FREM3: variants seen among roughly 807,000 people sequenced by gnomAD.
The protein encoded by FREM3 is FRAS1 related extracellular matrix 3.
A neutral mutation model predicts 129.1 loss-of-function variants in FREM3; 105 were observed. That is an observed-to-expected ratio of 0.81 (90% confidence interval 0.69 to 0.96). The LOEUF is 0.96. Among genes scored for constraint, FREM3 ranks in the 40% least tolerant of loss-of-function variants. The probability of loss-of-function intolerance (pLI) is 0.00; values close to 1 mark genes in which losing one functional copy is unlikely to be tolerated. For synonymous variants in FREM3, 1,014 were observed against 1,044.9 expected, an observed-to-expected ratio of 0.97 and a Z score of 0.57; for missense variants, 2,593 against 2,666.3, an observed-to-expected ratio of 0.97 and a Z score of 0.61.
chr4:143,630,475 T>G (rs1739116851), intron 2 of FREM3, among the ~76,000 whole-genome samples: 1 of 152,188 alleles, frequency 6.6e-6, no homozygotes, highest in South Asian at 2.1e-4. Context: ...TCTGCCTATA[T>G]TTTGCCTGCC....
At chr4:143,673,550 TGAG>T (rs1740044568) in intron 2 of FREM3, among the ~76,000 whole-genome samples, 1 of 152,230 alleles carries the variant, frequency 6.6e-6, no homozygotes, top group Non-Finnish European at 1.5e-5. Flanking sequence ...GGGACCCACT[TGAG>T]GAGGCAGTCT....
At position 143,696,876 on chromosome 4, in the gene FREM3, A is replaced by G; in HGVS notation, c.3800T>C (p.Val1267Ala). 2 of 1,537,620 alleles carry G rather than the reference A, an allele frequency of 1.3e-6. No homozygotes were observed. Among genetic ancestry groups the G allele is most frequent in the Non-Finnish European group, 8.7e-7 (1 of 1,147,016 alleles). ...TGTCTCTGAGTCATCATGCTCATAC[A>G]CAATGGTGGAGGCCTCCTGGATCTC... ...LKEIQEASTI[V>A]YEHDDSETKE... The change falls in exon 1 of 8, where the codon GTG (valine) becomes GCG (alanine). Residue 1267 changes from valine to alanine, a missense_variant. Coordinates refer to ENST00000329798, the MANE Select transcript of FREM3 (RefSeq NM_001168235.2).
chr4:143,640,850 A>T (rs1032573841), intron 2 of FREM3, among the ~76,000 whole-genome samples: 1 of 152,134 alleles, frequency 6.6e-6, no homozygotes. Context: ...AGCAATCTTT[A>T]AAAAAATGAT....
intron 2 of FREM3, among the ~76,000 whole-genome samples, chr4:143,650,576 G>C (rs781337961): frequency 5.9e-5 from 9 of 152,186 alleles, no homozygotes; most frequent in South Asian, 2.1e-4. Flanking sequence ...CTGCAGCCTT[G>C]AACTCCTGGG....
Position 143,696,025 on chromosome 4 carries a change from C to T in FREM3, c.4651G>A (p.Asp1551Asn). The change falls in exon 1 of 8, where the codon GAT (aspartate) becomes AAT (asparagine). Residue 1551 changes from aspartate (D) to asparagine (N), a missense_variant. Asp to Asn is a conservative substitution (Grantham distance 23, BLOSUM62 1). This residue lies in a region of FREM3 where 2,276 missense variants were observed against 2,267.2 expected (regional missense o/e 1.00). Transcript: ENST00000329798. ...TCAAGGAGAGTGATCAGTTGGCTAT[C>T]CTCTTTCTGTAGTGTTAGTCTATGG... ...TIHRLTLQKEDSQLITLLELT... is the reference protein window; with the variant it reads ...TIHRLTLQKENSQLITLLELT... 1 of 1,537,808 alleles carries T rather than the reference C, an allele frequency of 6.5e-7. No homozygotes were observed. Among genetic ancestry groups the T allele is most frequent in the Non-Finnish European group, 8.7e-7 (1 of 1,147,034 alleles).
At chr4:143,693,598 G>A (rs1740511512) in intron 1 of FREM3, among the ~76,000 whole-genome samples, 1 of 152,160 alleles carries the variant, frequency 6.6e-6, no homozygotes, top group Admixed American at 6.5e-5. Flanking sequence ...CCATTACTGG[G>A]TATACACCCT....
chr4:143,590,846 C>A (rs930492753), intron 6 of FREM3, among the ~76,000 whole-genome samples: 2 of 152,054 alleles, frequency 1.3e-5, no homozygotes, highest in African/African-American at 4.8e-5. Flanking sequence ...TGGTAGAATT[C>A]GGCTGTGAAT....
chr4:143,616,535 C>G (rs2149840256), intron 5 of FREM3, among the ~76,000 whole-genome samples: 1 of 152,192 alleles, frequency 6.6e-6, no homozygotes, highest in Admixed American at 6.5e-5. Context: ...ACCTGTAATC[C>G]CAGCACTTTG....
At position 143,621,137 on chromosome 4, in the gene FREM3, C is replaced by T. The variant is rs569952098; in HGVS notation, c.5679G>A (p.Ala1893=). Residue 1893 remains alanine (A), a synonymous_variant, in exon 5 of 8, where the codon GCG becomes GCA. Transcript: ENST00000329798. ...GDESTVYIPE[A]EYKIEEDIGE... ...CAATGTCCTCTTCTATTTTGTATTC[C>T]GCCTCTGGAATATAAACTGTTGATT... 244 of 1,536,966 alleles carry T rather than the reference C, an allele frequency of 1.6e-4. 2 individuals are homozygous for T. The highest frequency in any genetic ancestry group is 2.6e-4 in the South Asian group (22 of 84,038).
At chr4:143,603,256 G>T (rs1311204564) in intron 6 of FREM3, among the ~76,000 whole-genome samples, 1 of 152,124 alleles carries the variant, frequency 6.6e-6, no homozygotes, top group African/African-American at 2.4e-5. Context: ...CTTCTACATG[G>T]CTGGAAGACA....
At chr4:143,639,301 A>G (rs1378367958) in intron 2 of FREM3, among the ~76,000 whole-genome samples, 1 of 152,122 alleles carries the variant, frequency 6.6e-6, no homozygotes, top group African/African-American at 2.4e-5. Flanking sequence ...AAATAGTTCA[A>G]CTTGACATAC....
intron 2 of FREM3, among the ~76,000 whole-genome samples, chr4:143,681,434 G>A (rs563993879): frequency 8.5e-4 from 129 of 152,212 alleles, no homozygotes; most frequent in African/African-American, 3.0e-3. Flanking sequence ...AGGGAAGGAA[G>A]ATTAATAAAC....
In FREM3 at chr4:143,625,937, T is replaced by A. The variant is rs577890678; in HGVS notation, c.5423-1599A>T. 8.5e-5 allele frequency among the ~76,000 whole-genome samples: 13 copies of A among 152,334 alleles called. No homozygotes were observed. In the East Asian group the frequency reaches 2.5e-3, roughly 29 times the overall value. On this transcript the variant is annotated intron_variant, in intron 3 of 7. Coordinates refer to ENST00000329798, the MANE Select transcript of FREM3 (RefSeq NM_001168235.2). ...AATTCCCCTCAAACACATCGTGAGA[T>A]GGATAATTTACTTACACATAAGGAA...
At chr4:143,693,518 A>G (rs35162238) in intron 1 of FREM3, among the ~76,000 whole-genome samples, 47,023 of 152,056 alleles carry the variant, frequency 0.31, 7,536 homozygotes, top group Middle Eastern at 0.36. Context: ...AATTAGTTCC[A>G]CCATTGTGGA....
intron 2 of FREM3, among the ~76,000 whole-genome samples, chr4:143,646,736 T>G (rs1429139324): frequency 6.6e-6 from 1 of 152,222 alleles, no homozygotes; most frequent in Non-Finnish European, 1.5e-5. Context: ...CAGGCAGTTC[T>G]TCATCGAAGC....
chr4:143,591,691 T>C (rs1469120362), intron 6 of FREM3, among the ~76,000 whole-genome samples: 2 of 152,172 alleles, frequency 1.3e-5, no homozygotes, highest in Admixed American at 6.5e-5. Context: ...AGGTGTGGTG[T>C]GGTGCTGAAA....
chr4:143,667,228 A>G (rs1739878965), intron 2 of FREM3, among the ~76,000 whole-genome samples: 1 of 152,184 alleles, frequency 6.6e-6, no homozygotes, highest in Non-Finnish European at 1.5e-5. Context: ...TTTAAATTCA[A>G]TTTCACCACT....
chr4:143,578,590 T>A (rs1347918376), intron 7 of FREM3, among the ~76,000 whole-genome samples: 2 of 152,174 alleles, frequency 1.3e-5, no homozygotes, highest in Non-Finnish European at 2.9e-5. Context: ...ACCCAACTGA[T>A]CAAAGTTAAC....
chr4:143,589,080 T>C (rs1413538906), intron 6 of FREM3, among the ~76,000 whole-genome samples: 1 of 152,214 alleles, frequency 6.6e-6, no homozygotes, highest in Non-Finnish European at 1.5e-5. Flanking sequence ...GGCCCACTTG[T>C]GGATGGGGTT....
Sources: gnomAD v4.1 joint callset for allele counts (sites outside exome capture counted in the v4.1 genomes callset) on GRCh38, gnomAD v4.1.1 for gene constraint, gnomAD v4.1.1 regional missense constraint, MANE v1.5 for transcripts, NCBI Gene and HGNC (gene_info 2026-07-23, HGNC 2026-07-21) for gene names.